The following PIP5K1B variants were observed in gnomAD, a reference collection of about 807,000 sequenced individuals.
The protein encoded by PIP5K1B is phosphatidylinositol 4-phosphate 5-kinase type-1 beta.
Under a neutral mutation model 67.0 loss-of-function variants are expected in PIP5K1B, and 42 were observed. The observed-to-expected ratio is 0.63, with a 90% CI of 0.49 to 0.81. The LOEUF (loss-of-function observed/expected upper bound fraction) is 0.81. Among genes scored for constraint, PIP5K1B ranks in the 30% least tolerant of loss-of-function variants. The pLI, the probability that PIP5K1B is intolerant of heterozygous loss-of-function variation, is 0.00. For missense variants in PIP5K1B, 459 were observed against 646.3 expected (o/e 0.71, Z 3.14); for synonymous variants, 214 against 231.4 (o/e 0.92, Z 0.68).
chr9:68,767,848 A>G (rs1830507346), intron 2 of PIP5K1B, among the ~76,000 whole-genome samples: 1 of 152,150 alleles, frequency 6.6e-6, no homozygotes, highest in South Asian at 2.1e-4. Flanking sequence ...TAACTGAACT[A>G]TATTCTTTAA....
At chr9:68,877,749 G>A (rs1407802762) in intron 6 of PIP5K1B, among the ~76,000 whole-genome samples, 1 of 152,010 alleles carries the variant, frequency 6.6e-6, no homozygotes, top group African/African-American at 2.4e-5. Flanking sequence ...TTCTTGTAAA[G>A]GAAAAAAGAA....
At chr9:68,718,801 C>T (rs1276672100) in intron 1 of PIP5K1B, among the ~76,000 whole-genome samples, 1 of 152,126 alleles carries the variant, frequency 6.6e-6, no homozygotes, top group Admixed American at 6.5e-5. Flanking sequence ...CCCTACTTTG[C>T]TGTCTTCTAA....
chr9:68,726,097 A>G (rs1163055305), intron 1 of PIP5K1B, among the ~76,000 whole-genome samples: 9 of 152,220 alleles, frequency 5.9e-5, no homozygotes, highest in African/African-American at 2.2e-4. Flanking sequence ...CTTATTTAAT[A>G]ATAGAAGTAT....
Position 68,763,303 on chromosome 9 carries a change from G to T in PIP5K1B, c.-86+20646G>T, listed in dbSNP as rs568064746. ...TGACTTAAGTGTGAGATTCATGTGG[G>T]CATGTGAATGAGGCAAAGCGTTTAA... On this transcript the variant is annotated intron_variant, in intron 2 of 15. Coordinates refer to ENST00000265382, the MANE Select transcript of PIP5K1B (RefSeq NM_003558.4). Among the ~76,000 whole-genome samples, 3 of 152,210 alleles carry T rather than the reference G, an allele frequency of 2.0e-5. No homozygotes were observed. The East Asian group carries it at 5.8e-4, about 29-fold the overall frequency.
At chr9:68,824,551 G>A (rs990028585) in intron 4 of PIP5K1B, among the ~76,000 whole-genome samples, 4 of 152,116 alleles carry the variant, frequency 2.6e-5, no homozygotes, top group Non-Finnish European at 5.9e-5. Flanking sequence ...AATTTTTTAT[G>A]TGTAATAATA....
chr9:68,916,877 T>TAA lies in PIP5K1B; in HGVS notation c.772-660_772-659dup, dbSNP rs112889490. Among the ~76,000 whole-genome samples, 659 of 141,984 alleles carry TAA rather than the reference T, an allele frequency of 4.6e-3. 2 individuals are homozygous for TAA. The highest frequency in any genetic ancestry group is 0.015 in the African/African-American group (559 of 38,290). The allele number at this position is 141,984 out of a possible 152,430, so 93.1% of individuals were successfully genotyped here. A position where few individuals can be genotyped will look rare whatever the true frequency, so the allele number is the denominator to read the frequency against. Reference sequence around the variant, plus strand: ...ACAGGGCGAGACTCTGTCTCAAAAATAAAAAAAAAAAAGAGGTTTTGAGAA... The same window carrying TAA: ...ACAGGGCGAGACTCTGTCTCAAAAATAAAAAAAAAAAAAAGAGGTTTTGAGAA... On this transcript the variant is annotated intron_variant, in intron 8 of 15. Coordinates refer to ENST00000265382, the MANE Select transcript of PIP5K1B (RefSeq NM_003558.4).
chr9:68,980,515 G>C (rs1206206401), intron 14 of PIP5K1B, among the ~76,000 whole-genome samples: 1 of 152,180 alleles, frequency 6.6e-6, no homozygotes, highest in African/African-American at 2.4e-5. Flanking sequence ...CATGAAAACA[G>C]GCAGAGTCTC....
intron 4 of PIP5K1B, among the ~76,000 whole-genome samples, chr9:68,862,284 TACACTGC>T (rs1823127960): frequency 6.6e-6 from 1 of 152,186 alleles, no homozygotes; most frequent in Non-Finnish European, 1.5e-5. Flanking sequence ...TGGCTCTGTA[TACACTGC>T]ATTCGTGTTG....
chr9:68,750,240 GT>G (rs1010738159), intron 2 of PIP5K1B, among the ~76,000 whole-genome samples: 8 of 152,190 alleles, frequency 5.3e-5, no homozygotes, highest in African/African-American at 1.9e-4. Context: ...AGATGCACAT[GT>G]TTTAATATTA....
At chr9:68,966,918 A>G (rs1829066413) in intron 14 of PIP5K1B, among the ~76,000 whole-genome samples, 1 of 152,248 alleles carries the variant, frequency 6.6e-6, no homozygotes, top group South Asian at 2.1e-4. Flanking sequence ...TATGCAGAGA[A>G]GATGAATAAG....
chr9:68,825,502 A>C (rs1157879954), intron 4 of PIP5K1B, among the ~76,000 whole-genome samples: 1 of 152,238 alleles, frequency 6.6e-6, no homozygotes, highest in African/African-American at 2.4e-5. Flanking sequence ...AGACTACACA[A>C]GTGTTGTCAA....
At chr9:68,743,922 T>G (rs770939376) in intron 2 of PIP5K1B, among the ~76,000 whole-genome samples, 2 of 151,998 alleles carry the variant, frequency 1.3e-5, no homozygotes, top group Non-Finnish European at 2.9e-5. Context: ...CCTGTTAGGG[T>G]GACATCTAAG....
chr9:68,801,492 T>C (rs1270478047), intron 2 of PIP5K1B, among the ~76,000 whole-genome samples: 1 of 152,214 alleles, frequency 6.6e-6, no homozygotes, highest in Non-Finnish European at 1.5e-5. Context: ...TGAGGCACCC[T>C]GCCAGGTGGG....
intron 2 of PIP5K1B, among the ~76,000 whole-genome samples, chr9:68,778,978 A>G (rs1831069386): frequency 6.6e-6 from 1 of 152,158 alleles, no homozygotes; most frequent in Non-Finnish European, 1.5e-5. Flanking sequence ...CCTGACTTCT[A>G]TCAGTAGTGC....
At chr9:68,847,763 C>A (rs1232825670) in intron 4 of PIP5K1B, among the ~76,000 whole-genome samples, 1 of 152,096 alleles carries the variant, frequency 6.6e-6, no homozygotes, top group African/African-American at 2.4e-5. Flanking sequence ...TGACCCATCT[C>A]CACACCTATG....
chr9:69,002,887 G>A (rs1830886253), intron 15 of PIP5K1B, among the ~76,000 whole-genome samples: 2 of 152,186 alleles, frequency 1.3e-5, no homozygotes, highest in Admixed American at 6.5e-5. Flanking sequence ...GGAGGCTAAG[G>A]CACGAGAATC....
intron 8 of PIP5K1B, among the ~76,000 whole-genome samples, chr9:68,898,135 G>A (rs1183499333): frequency 6.6e-6 from 1 of 152,080 alleles, no homozygotes; most frequent in African/African-American, 2.4e-5. Flanking sequence ...GTTCATTCCT[G>A]ACCAACTCCT....
chr9:68,717,778 G>A (rs1827703572), intron 1 of PIP5K1B, among the ~76,000 whole-genome samples: 1 of 152,152 alleles, frequency 6.6e-6, no homozygotes, highest in South Asian at 2.1e-4. Flanking sequence ...TGTGCTATAA[G>A]AAACACATCC....
intron 4 of PIP5K1B, among the ~76,000 whole-genome samples, chr9:68,844,376 A>C (rs1424037849): frequency 6.6e-6 from 1 of 152,198 alleles, no homozygotes; most frequent in East Asian, 1.9e-4. Flanking sequence ...AGGGGGAAGG[A>C]AGCAGCCCTC....
Sources: gnomAD v4.1 joint callset for allele counts (sites outside exome capture counted in the v4.1 genomes callset) on GRCh38, gnomAD v4.1.1 for gene constraint, MANE v1.5 for transcripts, NCBI Gene and HGNC (gene_info 2026-07-23, HGNC 2026-07-21) for gene names.